Variants in TBC1D19 observed in about 807,000 individuals in gnomAD.
TBC1D19 encodes the protein TBC1 domain family, member 19.
In TBC1D19, 60 loss-of-function variants were observed where a neutral mutation model predicts 89.0. The observed-to-expected ratio is 0.67, with a 90% CI of 0.55 to 0.84. The LOEUF (loss-of-function observed/expected upper bound fraction) is 0.84, where lower values mean the gene tolerates loss of function less well. Ranked by LOEUF, TBC1D19 falls within the 40% of genes least tolerant of loss-of-function variation. The pLI is 0.00. For missense variants in TBC1D19, 500 were observed against 610.8 expected (o/e 0.82, Z 1.91); for synonymous variants, 189 against 199.7 (o/e 0.95, Z 0.45).
At chr4:26,636,488 T>TAGA (rs1553901479) in intron 4 of TBC1D19, among the ~76,000 whole-genome samples, 1 of 131,028 alleles carries the variant, frequency 7.6e-6, no homozygotes, top group African/African-American at 2.8e-5. Context: ...GTCAGTATCA[T>TAGA]AAAAAAAAAA....
At chr4:26,779,239 C>A in the TBC1D19 span, among the ~76,000 whole-genome samples, 1 of 152,186 alleles carries the variant, frequency 6.6e-6, no homozygotes, top group African/African-American at 2.4e-5. Context: ...TCAATAAATA[C>A]AAATAGCATC....
intron 15 of TBC1D19, among the ~76,000 whole-genome samples, chr4:26,723,869 A>G (rs1717134240): frequency 6.6e-6 from 1 of 152,204 alleles, no homozygotes; most frequent in Middle Eastern, 3.2e-3. Flanking sequence ...AAATCAGTCA[A>G]TCATCAGTCA....
intron 10 of TBC1D19, among the ~76,000 whole-genome samples, chr4:26,672,829 T>C (rs1421248240): frequency 6.6e-6 from 1 of 151,922 alleles, no homozygotes; most frequent in African/African-American, 2.4e-5. Flanking sequence ...TTAGAATTTA[T>C]TTGTATGATT....
At chr4:26,673,017 C>CT (rs1477768899) in intron 10 of TBC1D19, among the ~76,000 whole-genome samples, 2 of 151,468 alleles carry the variant, frequency 1.3e-5, no homozygotes, top group South Asian at 2.1e-4. Flanking sequence ...TTTGATATGT[C>CT]TTTTTTTGGT....
At chr4:26,727,183 G>A (rs544636252) in intron 15 of TBC1D19, among the ~76,000 whole-genome samples, 1 of 152,288 alleles carries the variant, frequency 6.6e-6, no homozygotes, top group Admixed American at 6.5e-5. Flanking sequence ...ACCCTTGAAA[G>A]GCTGAAGTGA....
the TBC1D19 span, among the ~76,000 whole-genome samples, chr4:26,781,229 C>T: frequency 2.7e-4 from 41 of 152,252 alleles, no homozygotes; most frequent in Admixed American, 9.8e-4. Context: ...AGTTTGAGGG[C>T]CATTGCTTTT....
At chr4:26,854,370 T>C in the TBC1D19 span, among the ~76,000 whole-genome samples, 2 of 152,234 alleles carry the variant, frequency 1.3e-5, no homozygotes, top group Admixed American at 1.3e-4. Flanking sequence ...GACCCTAAAA[T>C]GCATTCAATA....
chr4:26,629,454 A>G (rs773435129), intron 4 of TBC1D19, among the ~76,000 whole-genome samples: 3 of 152,060 alleles, frequency 2.0e-5, no homozygotes, highest in South Asian at 4.1e-4. Flanking sequence ...TCACCACTGT[A>G]TCTCCAACAT....
chr4:26,802,787 A>G, the TBC1D19 span, among the ~76,000 whole-genome samples: 1 of 152,378 alleles, frequency 6.6e-6, no homozygotes, highest in Admixed American at 6.5e-5. Flanking sequence ...GTATTAGCTC[A>G]AACTGCTATA....
the TBC1D19 span, among the ~76,000 whole-genome samples, chr4:26,788,789 G>A: frequency 3.3e-5 from 5 of 152,058 alleles, no homozygotes; most frequent in African/African-American, 1.2e-4. Context: ...CTATCAAGTC[G>A]GCTTCCTGTT....
upstream of TBC1D19, among the ~76,000 whole-genome samples, chr4:26,579,275 A>AT (rs537789089): frequency 2.3e-4 from 35 of 152,282 alleles, 1 homozygote; most frequent in South Asian, 6.8e-3. Context: ...GAAACCATAC[A>AT]TTCTTCTACT....
the TBC1D19 span, among the ~76,000 whole-genome samples, chr4:26,850,944 T>TC: frequency 6.6e-6 from 1 of 152,126 alleles, no homozygotes; most frequent in African/African-American, 2.4e-5. Context: ...AGATCCACCC[T>TC]CAATGTGAGC....
intron 4 of TBC1D19, among the ~76,000 whole-genome samples, chr4:26,626,020 G>C (rs555165363): frequency 6.6e-6 from 1 of 152,148 alleles, no homozygotes; most frequent in East Asian, 1.9e-4. Context: ...CCTCTTTGAG[G>C]GAGGGGTATC....
chr4:26,668,928 T>TC (rs1249836510), intron 9 of TBC1D19, among the ~76,000 whole-genome samples: 4 of 151,314 alleles, frequency 2.6e-5, no homozygotes, highest in Non-Finnish European at 4.4e-5. Flanking sequence ...ATAAAAAAAG[T>TC]CATAGCCATT....
intron 4 of TBC1D19, among the ~76,000 whole-genome samples, chr4:26,636,009 A>G (rs1743096771): frequency 6.6e-6 from 1 of 152,150 alleles, no homozygotes; most frequent in African/African-American, 2.4e-5. Context: ...AATGATAATT[A>G]TCATATTATG....
chr4:26,764,622 A>T, the TBC1D19 span, among the ~76,000 whole-genome samples: 4 of 152,192 alleles, frequency 2.6e-5, no homozygotes, highest in African/African-American at 9.7e-5. Flanking sequence ...CAGAAAGAAG[A>T]GTGCAGTTTA....
At chr4:26,851,304 C>CTTCT in the TBC1D19 span, among the ~76,000 whole-genome samples, 1 of 146,974 alleles carries the variant, frequency 6.8e-6, no homozygotes, top group Non-Finnish European at 1.5e-5. Context: ...TAATAAATAC[C>CTTCT]CTATCTATCT....
At chr4:26,645,492 A>G (rs1182846071) in intron 7 of TBC1D19, among the ~76,000 whole-genome samples, 9 of 152,234 alleles carry the variant, frequency 5.9e-5, no homozygotes, top group East Asian at 1.9e-4. Flanking sequence ...TACACCTTAT[A>G]CAAAAGTTAA....
At chr4:26,827,875 G>A in the TBC1D19 span, among the ~76,000 whole-genome samples, 7 of 152,050 alleles carry the variant, frequency 4.6e-5, no homozygotes, top group African/African-American at 9.7e-5. Flanking sequence ...CATGTGTGCC[G>A]CTGTGCCCAG....
Sources: gnomAD v4.1 joint callset for allele counts (sites outside exome capture counted in the v4.1 genomes callset) on GRCh38, gnomAD v4.1.1 for gene constraint, MANE v1.5 for transcripts, NCBI Gene and HGNC (gene_info 2026-07-23, HGNC 2026-07-21) for gene names.